Variants in LRRC4C observed in about 807,000 individuals in gnomAD.
The protein encoded by LRRC4C is leucine-rich repeat-containing protein 4C.
LRRC4C carries 5 observed loss-of-function variants against 33.6 expected under a neutral mutation model. The observed-to-expected ratio is 0.15, with a 90% CI of 0.08 to 0.31. LRRC4C has a LOEUF of 0.31. Ranked by LOEUF, LRRC4C falls within the 10% of genes least tolerant of loss-of-function variation. LRRC4C has a pLI of 1.00. For synonymous variants in LRRC4C, 329 were observed against 302.0 expected (o/e 1.09, Z -0.93); for missense variants, 560 against 796.7 (o/e 0.70, Z 3.58).
At chr11:41,372,943 G>T (rs1456271870) in intron 1 of LRRC4C, among the ~76,000 whole-genome samples, 1 of 152,044 alleles carries the variant, frequency 6.6e-6, no homozygotes, top group Non-Finnish European at 1.5e-5. Flanking sequence ...AACAGATTTA[G>T]CTATTTAGCA....
chr11:40,664,480 G>A (rs79407182), intron 2 of LRRC4C, among the ~76,000 whole-genome samples: 1,817 of 150,986 alleles, frequency 0.012, 43 homozygotes, highest in African/African-American at 0.043. Flanking sequence ...GATGGGTGGA[G>A]GTTGCAGTGA....
chr11:41,296,783 G>C (rs2958863), intron 1 of LRRC4C, among the ~76,000 whole-genome samples: 120,829 of 152,044 alleles, frequency 0.79, 48,591 homozygotes, highest in Admixed American at 0.86. Flanking sequence ...CAATCTTTAT[G>C]TCCGGAAGAA....
At chr11:40,449,874 A>G (rs758103764) in intron 3 of LRRC4C, among the ~76,000 whole-genome samples, 7 of 152,160 alleles carry the variant, frequency 4.6e-5, no homozygotes, top group Non-Finnish European at 1.0e-4. Context: ...GGAGAAATAT[A>G]TTTTCAGGTA....
chr11:40,600,625 G>C (rs1339441857), intron 3 of LRRC4C, among the ~76,000 whole-genome samples: 2 of 152,114 alleles, frequency 1.3e-5, no homozygotes, highest in African/African-American at 4.8e-5. Context: ...AGAAGCTATG[G>C]AGAAATGTTT....
At chr11:41,275,659 TA>T (rs1431158750) in intron 1 of LRRC4C, among the ~76,000 whole-genome samples, 1 of 152,198 alleles carries the variant, frequency 6.6e-6, no homozygotes, top group Non-Finnish European at 1.5e-5. Flanking sequence ...AGGGGAGACA[TA>T]ATGTATTGTG....
At chr11:40,668,331 T>C (rs188907259) in intron 2 of LRRC4C, among the ~76,000 whole-genome samples, 87 of 152,318 alleles carry the variant, frequency 5.7e-4, no homozygotes, top group African/African-American at 2.0e-3. Context: ...GTATCTATTA[T>C]TGGATATCTG....
intron 3 of LRRC4C, among the ~76,000 whole-genome samples, chr11:40,453,856 T>C (rs1054030645): frequency 1.3e-5 from 2 of 152,208 alleles, no homozygotes; most frequent in African/African-American, 2.4e-5. Flanking sequence ...GTCATGTAAA[T>C]GTTCTCAACT....
intron 1 of LRRC4C, among the ~76,000 whole-genome samples, chr11:41,267,597 AT>A (rs1949192504): frequency 6.6e-6 from 1 of 152,176 alleles, no homozygotes; most frequent in Admixed American, 6.5e-5. Flanking sequence ...TACGCTTAGA[AT>A]CTGCCAAAAA....
chr11:41,085,010 A>G (rs1408504912), intron 1 of LRRC4C, among the ~76,000 whole-genome samples: 2 of 152,198 alleles, frequency 1.3e-5, no homozygotes, highest in African/African-American at 2.4e-5. Context: ...GTTAAAAGAT[A>G]AACTCCCAAT....
intron 1 of LRRC4C, among the ~76,000 whole-genome samples, chr11:41,421,508 T>C (rs1219358906): frequency 2.0e-5 from 3 of 152,068 alleles, no homozygotes; most frequent in Non-Finnish European, 2.9e-5. Context: ...AGAGTAATTA[T>C]GGTGCTATTG....
intron 1 of LRRC4C, among the ~76,000 whole-genome samples, chr11:41,250,546 G>A (rs542698149): frequency 2.6e-4 from 39 of 152,262 alleles, no homozygotes; most frequent in African/African-American, 9.1e-4. Flanking sequence ...GAAATCCAGT[G>A]GTTCAGGCAT....
chr11:40,427,545 A>T (rs1374593510), intron 3 of LRRC4C, among the ~76,000 whole-genome samples: 1 of 150,584 alleles, frequency 6.6e-6, no homozygotes, highest in Non-Finnish European at 1.5e-5. Context: ...ATTCTCAGGT[A>T]GGCCAGGCAC....
intron 3 of LRRC4C, among the ~76,000 whole-genome samples, chr11:40,588,751 G>T (rs1958887178): frequency 1.3e-5 from 2 of 152,178 alleles, no homozygotes; most frequent in African/African-American, 4.8e-5. Flanking sequence ...AGTCGTTCAG[G>T]AGCAGGTTGT....
chr11:40,316,327 G>A (rs1945570678), intron 4 of LRRC4C, among the ~76,000 whole-genome samples: 9 of 152,032 alleles, frequency 5.9e-5, no homozygotes, highest in Admixed American at 5.9e-4. Flanking sequence ...ACTTACTCAT[G>A]TAGATGTCTA....
At chr11:40,972,080 C>A (rs11036164) in intron 1 of LRRC4C, among the ~76,000 whole-genome samples, 35,047 of 150,634 alleles carry the variant, frequency 0.23, 4,456 homozygotes, top group Middle Eastern at 0.33. Context: ...GGACTATGGA[C>A]TTTTGAGTTA....
At chr11:40,817,474 A>G (rs556225994) in intron 2 of LRRC4C, among the ~76,000 whole-genome samples, 1 of 152,298 alleles carries the variant, frequency 6.6e-6, no homozygotes, top group African/African-American at 2.4e-5. Flanking sequence ...CTGGCAAGAC[A>G]TAGTCCACCT....
chr11:41,318,328 T>C (rs1472947166), intron 1 of LRRC4C, among the ~76,000 whole-genome samples: 1 of 152,228 alleles, frequency 6.6e-6, no homozygotes, highest in Non-Finnish European at 1.5e-5. Context: ...AAAGTTATCA[T>C]TTTTATGTCA....
Position 40,516,158 on chromosome 11 carries a change from T to C in LRRC4C, c.-270+131984A>G, listed in dbSNP as rs145702405. Reference sequence around the variant, plus strand: ...TTACTTGCATTATGACATTAATTGATAATATTAAGTGCTGTTAACTTCCAT... The same window carrying C: ...TTACTTGCATTATGACATTAATTGACAATATTAAGTGCTGTTAACTTCCAT... On this transcript the variant is annotated intron_variant, in intron 3 of 6. Transcript: ENST00000528697. 1.5e-3 allele frequency among the ~76,000 whole-genome samples: 229 copies of C among 152,232 alleles called. 1 individual carries two copies. In the Middle Eastern group the frequency reaches 0.017, roughly 11 times the overall value.
At chr11:40,376,237 C>T (rs1301377617) in intron 3 of LRRC4C, among the ~76,000 whole-genome samples, 3 of 152,090 alleles carry the variant, frequency 2.0e-5, no homozygotes, top group Non-Finnish European at 2.9e-5. Context: ...CTCATGATAA[C>T]CCCTCTTGTC....
Sources: gnomAD v4.1 joint callset for allele counts (sites outside exome capture counted in the v4.1 genomes callset) on GRCh38, gnomAD v4.1.1 for gene constraint, MANE v1.5 for transcripts, NCBI Gene and HGNC (gene_info 2026-07-23, HGNC 2026-07-21) for gene names.